PIPOX: variants seen among roughly 807,000 people sequenced by gnomAD.
PIPOX encodes pipecolic acid and sarcosine oxidase, also known as peroxisomal sarcosine oxidase.
Under a neutral mutation model 47.9 loss-of-function variants are expected in PIPOX, and 45 were observed. That is an observed-to-expected ratio of 0.94 (90% confidence interval 0.74 to 1.20). PIPOX has a LOEUF of 1.20. Ranked by LOEUF, PIPOX falls within the 50% of genes most tolerant of loss-of-function variation. The pLI is 0.00. For synonymous variants in PIPOX, 165 were observed against 191.3 expected (o/e 0.86, Z 1.13); for missense variants, 458 against 498.4 (o/e 0.92, Z 0.77).
At chr17:29,045,803 T>C (rs2065783551) in intron 2 of PIPOX, among the ~76,000 whole-genome samples, 1 of 152,166 alleles carries the variant, frequency 6.6e-6, no homozygotes. Flanking sequence ...TCTCTCTGAG[T>C]ACCTTTTCCT....
At position 29,056,558 on chromosome 17, in the gene PIPOX, C is replaced by G. The variant is rs1359985374; in HGVS notation, c.*253C>G. On this transcript the variant is annotated 3_prime_UTR_variant, in exon 8 of 8. Transcript: ENST00000323372. ...TTCTTGGCCACCTCCCCATTCACAA[C>G]TACTTTCTCGCTCCCAGAAGGTTGA... 5.4e-6 allele frequency: 3 copies of G among 554,718 alleles called. No homozygotes were observed. Among genetic ancestry groups the G allele is most frequent in the Middle Eastern group, 4.8e-4 (1 of 2,086 alleles). 34.4% of individuals were successfully genotyped at this position (554,718 alleles called of 1,614,324 possible).
At chr17:29,046,542 C>T in intron 2 of PIPOX, 1 of 967,738 alleles carries the variant, frequency 1.0e-6, no homozygotes, top group South Asian at 4.8e-5. Flanking sequence ...GGCCCAATGT[C>T]TAGCACCTTT....
intron 2 of PIPOX, among the ~76,000 whole-genome samples, chr17:29,050,558 TG>T: frequency 6.6e-6 from 1 of 152,112 alleles, no homozygotes; most frequent in South Asian, 2.1e-4. Context: ...TCGCCAAGTG[TG>T]GTGGCTCACG....
chr17:29,047,415 G>T (rs113221995), intron 2 of PIPOX, among the ~76,000 whole-genome samples: 1 of 152,278 alleles, frequency 6.6e-6, no homozygotes, highest in Admixed American at 6.5e-5. Flanking sequence ...GGTAGTCAGG[G>T]TCTTATCCCA....
Position 29,055,048 on chromosome 17 carries a change from C to G in PIPOX, c.808-15C>G. 6.2e-7 allele frequency: 1 copy of G among 1,614,044 alleles called. No individual in the cohort carries two copies. The highest frequency in any genetic ancestry group is 8.5e-7 in the Non-Finnish European group (1 of 1,179,970). On this transcript the variant is annotated splice_polypyrimidine_tract_variant and intron_variant, in intron 5 of 7. Coordinates refer to ENST00000323372, the MANE Select transcript of PIPOX (RefSeq NM_016518.3). ...GCCAGCCCTCACCACTCATGCCACT[C>G]TGATTGGGAGCCAGGTCAGCTATCA...
intron 2 of PIPOX, 48 bp downstream of exon 2, chr17:29,045,055 G>A: frequency 6.5e-7 from 1 of 1,536,376 alleles, no homozygotes. Flanking sequence ...TGCACCTGCA[G>A]GTACTTTTAG....
chr17:29,049,792 A>G (rs2065799053), intron 2 of PIPOX, among the ~76,000 whole-genome samples: 1 of 152,246 alleles, frequency 6.6e-6, no homozygotes, highest in Non-Finnish European at 1.5e-5. Context: ...GGAAAATGAG[A>G]ATTTCCCAAA....
At chr17:29,051,331 A>T (rs1355266631) in intron 2 of PIPOX, among the ~76,000 whole-genome samples, 1 of 152,162 alleles carries the variant, frequency 6.6e-6, no homozygotes, top group Non-Finnish European at 1.5e-5. Flanking sequence ...TGGATTGGGC[A>T]CGCTGCGCGG....
chr17:29,045,064 A>C, intron 2 of PIPOX, 57 bp downstream of exon 2: 1 of 1,508,894 alleles, frequency 6.6e-7, no homozygotes, highest in Non-Finnish European at 8.9e-7. Flanking sequence ...AGGTACTTTT[A>C]GTGTGTGAAG....
rs371284675 is a variant in PIPOX, at chr17:29,056,739, T to C, written c.*434T>C. ...TGGCTCACACCTGTAATCTCGGCACTTTGGGGGGCTGAGACAGGCGGATCA... is the reference window on the plus strand; with the variant it reads ...TGGCTCACACCTGTAATCTCGGCACCTTGGGGGGCTGAGACAGGCGGATCA... On this transcript the variant is annotated 3_prime_UTR_variant, in exon 8 of 8. Coordinates refer to ENST00000323372, the MANE Select transcript of PIPOX (RefSeq NM_016518.3). The C allele has an allele frequency of 6.1e-6, 1 of 165,234 alleles. No individual in the cohort carries two copies. The highest frequency in any genetic ancestry group is 1.8e-4 in the East Asian group (1 of 5,708). 10.2% of individuals were successfully genotyped at this position (165,234 alleles called of 1,614,324 possible).
In PIPOX at chr17:29,056,366, C is replaced by A; in HGVS notation, c.*61C>A. 1 of 1,595,368 alleles carries A rather than the reference C, an allele frequency of 6.3e-7. No individual in the cohort carries two copies. Among genetic ancestry groups the A allele is most frequent in the Middle Eastern group, 1.7e-4 (1 of 5,984 alleles). On this transcript the variant is annotated 3_prime_UTR_variant, in exon 8 of 8. Coordinates refer to ENST00000323372, the MANE Select transcript of PIPOX (RefSeq NM_016518.3). ...CCAGTTTCACAGATGGAGAAGATGT[C>A]TCAGATGAAGGGAGTGTCCCTGAGA...
In PIPOX at chr17:29,052,980, C is replaced by A. The variant is rs781254124; in HGVS notation, c.324C>A (p.Ala108=). ...ATCAAGAATTAAAGACAATCCAGGC[C>A]AATCTGTCGAGGCAGAGGGTAGAAC... ...KENQELKTIQ[A]NLSRQRVEHQ... Residue 108 remains alanine, a synonymous_variant, in exon 3 of 8, where the codon GCC becomes GCA. Transcript: ENST00000323372. 2.5e-6 allele frequency: 4 copies of A among 1,614,230 alleles called. No homozygotes were observed. Among genetic ancestry groups the A allele is most frequent in the Non-Finnish European group, 3.4e-6 (4 of 1,180,024 alleles).
rs200673437 is a variant in PIPOX at position 29,053,525 on chromosome 17, G to C, written c.590G>C (p.Ser197Thr). The C allele has an allele frequency of 1.2e-6, 2 of 1,614,094 alleles. No homozygotes were observed. Among genetic ancestry groups the C allele is most frequent in the Non-Finnish European group, 1.7e-6 (2 of 1,179,958 alleles). Residue 197 changes from serine (S) to threonine (T), a missense_variant, in exon 4 of 8, where the codon AGC becomes ACC. By Grantham distance (58) the Ser-to-Thr change is moderately conservative. Coordinates refer to ENST00000323372, the MANE Select transcript of PIPOX (RefSeq NM_016518.3). ...KTTSRSYQAK[S>T]LVITAGPWTN... is the part of the protein sequence containing the mutation. The stretch of plus-strand genomic sequence containing the variant: ...ACCTCCAGGAGCTACCAAGCTAAGA[G>C]CTTGGTCATCACAGCAGGTCCTTGG...
intron 2 of PIPOX, among the ~76,000 whole-genome samples, chr17:29,047,991 T>A (rs2065791836): frequency 6.6e-6 from 1 of 152,232 alleles, no homozygotes; most frequent in Non-Finnish European, 1.5e-5. Flanking sequence ...GAATATGCTT[T>A]AAAAACCTCT....
At chr17:29,052,087 C>T (rs189507694) in intron 2 of PIPOX, 2 of 466,410 alleles carry the variant, frequency 4.3e-6, no homozygotes, top group Non-Finnish European at 8.9e-6. Context: ...AGTTTAGGAC[C>T]CTTTCCACAA....
rs984179652 is a variant in PIPOX at position 29,043,785 on chromosome 17, C to A, written c.114+446C>A. ...TCTTGCATATTCCTGGCCTCTCACA[C>A]CAGAACCCAGCAGAAGCTTCTGTTT... On this transcript the variant is annotated intron_variant, in intron 1 of 7. Transcript: ENST00000323372. Among the ~76,000 whole-genome samples the A allele has an allele frequency of 6.3e-4, 96 of 151,766 alleles. 1 individual carries two copies. Among genetic ancestry groups the A allele is most frequent in the Non-Finnish European group, 7.4e-5 (5 of 67,986 alleles).
At chr17:29,055,914 G>T (rs759963460) in intron 7 of PIPOX, 26 bp downstream of exon 7, 31 of 1,600,838 alleles carry the variant, frequency 1.9e-5, no homozygotes, top group Non-Finnish European at 2.7e-5. Context: ...GGGGAATGGG[G>T]TGCCTTAAAG....
intron 3 of PIPOX, 120 bp downstream of exon 3, chr17:29,053,253 G>C (rs2065813948): frequency 3.2e-6 from 4 of 1,232,548 alleles, no homozygotes; most frequent in Non-Finnish European, 4.6e-6. Context: ...CTTTAGTCTT[G>C]ACTTTTCCAG....
chr17:29,051,844 G>A (rs764624696), intron 2 of PIPOX: 10 of 436,176 alleles, frequency 2.3e-5, no homozygotes, highest in South Asian at 8.5e-5. Context: ...CCGGGCCCCT[G>A]CCCACTAAAT....
Sources: gnomAD v4.1 joint callset for allele counts (sites outside exome capture counted in the v4.1 genomes callset) on GRCh38, gnomAD v4.1.1 for gene constraint, MANE v1.5 for transcripts, NCBI Gene and HGNC (gene_info 2026-07-23, HGNC 2026-07-21) for gene names.